ANO3: variants seen among roughly 807,000 people sequenced by gnomAD.
ANO3 encodes anoctamin-3.
A neutral mutation model predicts 144.8 loss-of-function variants in ANO3; 99 were observed. That is an observed-to-expected ratio of 0.68 (90% confidence interval 0.58 to 0.81). The LOEUF is 0.81. ANO3 is among the 30% of genes least tolerant of loss of function. The pLI, the probability that ANO3 is intolerant of heterozygous loss-of-function variation, is 0.00. For missense variants in ANO3, 905 were observed against 1,202.2 expected (o/e 0.75, Z 3.66); for synonymous variants, 414 against 392.6 (o/e 1.05, Z -0.64).
intron 3 of ANO3, among the ~76,000 whole-genome samples, chr11:26,461,051 T>C (rs968750548): frequency 6.6e-6 from 1 of 151,798 alleles, no homozygotes; most frequent in Non-Finnish European, 1.5e-5. Flanking sequence ...GCTTCTCTAA[T>C]AACCAATGGT....
intron 1 of ANO3, among the ~76,000 whole-genome samples, chr11:26,373,203 T>A (rs963181103): frequency 6.6e-6 from 1 of 152,160 alleles, no homozygotes; most frequent in Admixed American, 6.5e-5. Flanking sequence ...TGGATATGTA[T>A]CTCCACCTAA....
At chr11:26,526,934 A>G (rs1007522065) in intron 7 of ANO3, among the ~76,000 whole-genome samples, 2 of 152,108 alleles carry the variant, frequency 1.3e-5, no homozygotes, top group Admixed American at 6.6e-5. Context: ...CAAGTTTACA[A>G]CTGCAGGTTT....
chr11:26,302,027 A>C (rs1054212736), intron 1 of ANO3, among the ~76,000 whole-genome samples: 2 of 152,222 alleles, frequency 1.3e-5, no homozygotes, highest in Non-Finnish European at 1.5e-5. Context: ...GCTAAGCTAC[A>C]AGGTACTAGG....
chr11:26,367,157 G>A (rs1224313371), intron 1 of ANO3, among the ~76,000 whole-genome samples: 2 of 152,104 alleles, frequency 1.3e-5, no homozygotes, highest in Non-Finnish European at 2.9e-5. Flanking sequence ...ACAAACCCTA[G>A]AAGAAAACCT....
chr11:26,530,082 A>G (rs1212064683), intron 7 of ANO3, among the ~76,000 whole-genome samples: 1 of 152,196 alleles, frequency 6.6e-6, no homozygotes, highest in African/African-American at 2.4e-5. Flanking sequence ...TAATCAAGGT[A>G]TTCCTATGCC....
At chr11:26,339,637 G>A (rs1204664736) in intron 1 of ANO3, among the ~76,000 whole-genome samples, 1 of 152,030 alleles carries the variant, frequency 6.6e-6, no homozygotes, top group African/African-American at 2.4e-5. Context: ...CAGAGTTCAG[G>A]GCAGATTTTT....
At chr11:26,633,097 A>G (rs886729202) in intron 18 of ANO3, among the ~76,000 whole-genome samples, 4 of 152,138 alleles carry the variant, frequency 2.6e-5, no homozygotes, top group African/African-American at 7.2e-5. Flanking sequence ...GGGCTAGTGC[A>G]TGTGTTGGTG....
intron 1 of ANO3, among the ~76,000 whole-genome samples, chr11:26,358,538 G>C (rs1015673887): frequency 1.3e-5 from 2 of 150,864 alleles, no homozygotes; most frequent in African/African-American, 4.9e-5. Context: ...GATTAATTTG[G>C]GAGAATTGAC....
intron 13 of ANO3, 192 bp from the exon 14 acceptor site, chr11:26,559,527 A>G: frequency 1.8e-6 from 1 of 558,500 alleles, no homozygotes; most frequent in South Asian, 2.4e-5. Flanking sequence ...TTGTTTCTTC[A>G]CCTCTCCCCA....
At chr11:26,590,074 C>T (rs947676003) in intron 14 of ANO3, among the ~76,000 whole-genome samples, 1 of 152,132 alleles carries the variant, frequency 6.6e-6, no homozygotes, top group Non-Finnish European at 1.5e-5. Context: ...TGCCCTTTAC[C>T]CTCTAAGAGA....
chr11:26,590,745 C>A (rs531649058), intron 14 of ANO3, among the ~76,000 whole-genome samples: 260 of 152,304 alleles, frequency 1.7e-3, no homozygotes, highest in African/African-American at 5.9e-3. Context: ...GGGCGCCTCG[C>A]TGGATCAGGA....
At chr11:26,473,680 C>T (rs79118921) in intron 4 of ANO3, among the ~76,000 whole-genome samples, 1 of 151,756 alleles carries the variant, frequency 6.6e-6, no homozygotes, top group African/African-American at 2.4e-5. Flanking sequence ...GTTAATCTGC[C>T]CAGCTCAAAT....
chr11:26,555,030 A>G (rs1209526645), intron 13 of ANO3, among the ~76,000 whole-genome samples: 2 of 152,168 alleles, frequency 1.3e-5, no homozygotes, highest in Admixed American at 1.3e-4. Context: ...ATCCAAAGCC[A>G]CTCAATGTCC....
chr11:26,610,403 T>C (rs1852065176), intron 17 of ANO3, among the ~76,000 whole-genome samples: 1 of 148,132 alleles, frequency 6.8e-6, no homozygotes, highest in South Asian at 2.2e-4. Flanking sequence ...ATCAGGTTAT[T>C]TGTTTTTTTG....
intron 1 of ANO3, among the ~76,000 whole-genome samples, chr11:26,348,194 A>G (rs1433404827): frequency 6.6e-6 from 1 of 152,184 alleles, no homozygotes; most frequent in Non-Finnish European, 1.5e-5. Context: ...CACCACTTAA[A>G]TATATTATGC....
chr11:26,287,938 T>A (rs772095736), intron 1 of ANO3: 1 of 152,212 alleles, frequency 6.6e-6, no homozygotes, highest in Non-Finnish European at 1.5e-5. Context: ...GAGAACTTTG[T>A]CAAATAATAG....
chr11:26,273,684 G>A (rs894783350), intron 1 of ANO3, among the ~76,000 whole-genome samples: 16 of 149,810 alleles, frequency 1.1e-4, no homozygotes, highest in African/African-American at 3.4e-4. Context: ...AAATTCTGTC[G>A]GGGGAAGGTA....
rs1194509154 is a variant in ANO3, at chr11:26,661,213, A to C, written c.*769A>C. On this transcript the variant is annotated 3_prime_UTR_variant, in exon 27 of 27. Transcript: ENST00000256737. ...TGCCAATAAAGCCACATACTTATAA[A>C]CTATGAATGGCTATTCTTATATAGT... 2 of 152,602 alleles carry C rather than the reference A, an allele frequency of 1.3e-5. No homozygotes were observed. The highest frequency in any genetic ancestry group is 4.8e-5 in the African/African-American group (2 of 41,454). 9.5% of individuals were successfully genotyped at this position (152,602 alleles called of 1,614,324 possible).
Position 26,615,414 on chromosome 11 carries a change from A to ATATATATATATATATATT in ANO3, c.1837-9047_1837-9046insATATATATATATATATTT, listed in dbSNP as rs1352935016. Among the ~76,000 whole-genome samples, 30 of 130,660 alleles carry ATATATATATATATATATT rather than the reference A, an allele frequency of 2.3e-4. 1 individual carries two copies. The highest frequency in any genetic ancestry group is 8.3e-4 in the African/African-American group (28 of 33,552). 85.7% of individuals were successfully genotyped at this position (130,660 alleles called of 152,430 possible). ...TCAGTTTATATATATATATATATAT[A>ATATATATATATATATATT]TTTTTTTTTTTTCAGTTCCTCAATG... On this transcript the variant is annotated intron_variant, in intron 17 of 26. Coordinates refer to ENST00000256737, the MANE Select transcript of ANO3 (RefSeq NM_031418.4).
Sources: allele counts gnomAD v4.1 joint callset (sites outside exome capture counted in the v4.1 genomes callset), GRCh38; gene constraint gnomAD v4.1.1; transcripts MANE v1.5; gene names NCBI Gene and HGNC (gene_info 2026-07-23, HGNC 2026-07-21).